The following SNRPN variants were observed in gnomAD, a reference collection of about 807,000 sequenced individuals.
The protein encoded by SNRPN is small nuclear ribonucleoprotein polypeptide N.
A neutral mutation model predicts 25.2 loss-of-function variants in SNRPN; 7 were observed. That is an observed-to-expected ratio of 0.28 (90% CI 0.16 to 0.52). The LOEUF (loss-of-function observed/expected upper bound fraction) is 0.52, where lower values mean the gene tolerates loss of function less well. SNRPN is among the 20% of genes least tolerant of loss of function. The pLI is 0.96. For synonymous variants in SNRPN, 124 were observed against 110.6 expected (o/e 1.12, Z -0.76); for missense variants, 196 against 322.5 (o/e 0.61, Z 3.00).
chr15:24,958,438 A>T, intron 1 of SNRPN, among the ~76,000 whole-genome samples: 2 of 113,088 alleles, frequency 1.8e-5, no homozygotes, highest in Admixed American at 2.0e-4. Context: ...GAGAATTGTT[A>T]CTACTTAAGG....
intron 3 of SNRPN, among the ~76,000 whole-genome samples, chr15:24,926,667 T>C (rs1037898036): frequency 1.3e-5 from 2 of 152,110 alleles, no homozygotes; most frequent in African/African-American, 4.8e-5. Flanking sequence ...TGCTATTTTA[T>C]TTTAAATTTT....
intron 2 of SNRPN, among the ~76,000 whole-genome samples, chr15:24,833,828 G>A (rs542330480): frequency 3.3e-5 from 5 of 152,222 alleles, no homozygotes; most frequent in East Asian, 3.9e-4. Context: ...AAGAACAGAC[G>A]GTAGGTGTGT....
intron 1 of SNRPN, among the ~76,000 whole-genome samples, chr15:24,868,930 A>G (rs969900929): frequency 6.6e-6 from 1 of 152,156 alleles, no homozygotes; most frequent in Non-Finnish European, 1.5e-5. Context: ...TGAGGCCAGG[A>G]GTTCCAGACT....
At chr15:24,963,294 A>G (rs1414227546) in intron 2 of SNRPN, among the ~76,000 whole-genome samples, 1 of 152,188 alleles carries the variant, frequency 6.6e-6, no homozygotes, top group Admixed American at 6.5e-5. Flanking sequence ...TTGTTTGGCT[A>G]TTAACAATGA....
chr15:24,893,807 G>A (rs1048098451), intron 2 of SNRPN, among the ~76,000 whole-genome samples: 2 of 151,920 alleles, frequency 1.3e-5, no homozygotes, highest in Non-Finnish European at 2.9e-5. Context: ...TGTGAGATGT[G>A]CCTCCCTCAG....
intron 3 of SNRPN, among the ~76,000 whole-genome samples, chr15:24,945,553 T>C (rs915517953): frequency 6.7e-6 from 1 of 149,036 alleles, no homozygotes; most frequent in Admixed American, 6.7e-5. Context: ...CCCATCTCTT[T>C]AAAAAAAAAA....
rs1346968155 is a variant in SNRPN, at chr15:24,955,406, C to T, written c.-391+344C>T. Among the ~76,000 whole-genome samples the T allele has an allele frequency of 4.0e-5, 6 of 151,876 alleles. No homozygotes were observed. In the South Asian group the frequency reaches 1.3e-3, roughly 32 times the overall value. On this transcript the variant is annotated intron_variant, in intron 1 of 9. Coordinates refer to ENST00000390687, the MANE Select transcript of SNRPN (RefSeq NM_003097.6). ...CAAGGGACATGGGTGGAGGTGGGTA[C>T]ATCAGGGTGATTGCAGTTCCGTGTG...
intron 2 of SNRPN, among the ~76,000 whole-genome samples, chr15:24,904,330 T>C (rs1454629099): frequency 6.6e-6 from 1 of 152,134 alleles, no homozygotes; most frequent in Non-Finnish European, 1.5e-5. Flanking sequence ...TATGTTTTAA[T>C]GGCACACATG....
At chr15:24,906,555 C>T (rs533031757) in intron 2 of SNRPN, among the ~76,000 whole-genome samples, 2 of 152,246 alleles carry the variant, frequency 1.3e-5, no homozygotes, top group South Asian at 2.1e-4. Flanking sequence ...TTGGTCTCTG[C>T]GTATAGAAAA....
chr15:24,947,957 A>G (rs1226020211), intron 3 of SNRPN, among the ~76,000 whole-genome samples: 1 of 151,448 alleles, frequency 6.6e-6, no homozygotes, highest in African/African-American at 2.4e-5. Flanking sequence ...TTTATTTATT[A>G]TTATTATACT....
At chr15:24,846,922 C>T (rs868777957) in intron 2 of SNRPN, among the ~76,000 whole-genome samples, 1 of 151,870 alleles carries the variant, frequency 6.6e-6, no homozygotes, top group African/African-American at 2.4e-5. Flanking sequence ...AACAAATGTG[C>T]GGGATTGAGG....
At position 24,918,398 on chromosome 15, in the gene SNRPN, ATATATAACATAATATATATGTG is replaced by A. The variant is rs1312586318; in HGVS notation, c.-504-1606_-504-1585del. 2.2e-4 allele frequency among the ~76,000 whole-genome samples: 17 copies of A among 76,430 alleles called. 1 individual carries two copies. Among genetic ancestry groups the A allele is most frequent in the Non-Finnish European group, 2.9e-4 (11 of 38,318 alleles). The allele number at this position is 76,430 out of a possible 152,430, so 50.1% of individuals were successfully genotyped here. The stretch of plus-strand genomic sequence containing the variant: ...TATATAACATAATATATATGTGTAT[ATATATAACATAATATATATGTG>A]TATATATAACATAATATATATGTGT... On this transcript the variant is annotated intron_variant, in intron 2 of 11. Transcript: ENST00000400097.
chr15:24,968,392 T>C, intron 3 of SNRPN: 2 of 189,092 alleles, frequency 1.1e-5, no homozygotes, highest in Non-Finnish European at 2.2e-5. Context: ...GTTTATAATT[T>C]CCTTTTGTGG....
At position 24,929,625 on chromosome 15, in the gene SNRPN, G is replaced by T. The variant is rs1046178132; in HGVS notation, c.-391+9501G>T. Among the ~76,000 whole-genome samples, 3 of 151,870 alleles carry T rather than the reference G, an allele frequency of 2.0e-5. No individual in the cohort carries two copies. The highest frequency in any genetic ancestry group is 7.3e-5 in the African/African-American group (3 of 41,354). ...TGGCAGAAATGGCCCAGGGCCCTGG[G>T]CTGAGACCCAGCCAACTCTCTATGG... On this transcript the variant is annotated intron_variant, in intron 3 of 11. Coordinates refer to the SNRPN transcript ENST00000400097. The surrounding 1 kb of genome is among the most constrained non-coding windows in gnomAD (Gnocchi z 5.3).
intron 1 of SNRPN, among the ~76,000 whole-genome samples, chr15:24,957,889 C>T (rs1188864170): frequency 6.6e-6 from 1 of 152,014 alleles, no homozygotes; most frequent in South Asian, 2.1e-4. Flanking sequence ...ATGGCAGATC[C>T]CTTTGGAAAG....
intron 1 of SNRPN, among the ~76,000 whole-genome samples, chr15:24,863,926 G>T (rs541826620): frequency 6.7e-6 from 1 of 149,842 alleles, no homozygotes; most frequent in Non-Finnish European, 1.5e-5. Context: ...TTTGGATTTC[G>T]TTTGCTCTAC....
At chr15:24,892,545 T>C (rs2057758476) in intron 2 of SNRPN, among the ~76,000 whole-genome samples, 1 of 152,252 alleles carries the variant, frequency 6.6e-6, no homozygotes, top group Non-Finnish European at 1.5e-5. Context: ...GAGACCAGCC[T>C]GGCCAACATG....
intron 1 of SNRPN, among the ~76,000 whole-genome samples, chr15:24,878,823 C>T (rs1447395081): frequency 6.6e-6 from 1 of 151,894 alleles, no homozygotes; most frequent in African/African-American, 2.4e-5. Flanking sequence ...AAATGAGATA[C>T]TACTTTAATC....
intron 1 of SNRPN, among the ~76,000 whole-genome samples, chr15:24,858,006 G>A (rs1435969637): frequency 6.6e-6 from 1 of 152,114 alleles, no homozygotes; most frequent in Non-Finnish European, 1.5e-5. Context: ...AGATGAGTCA[G>A]TTTATTGATC....
Sources: gnomAD v4.1 joint callset for allele counts (sites outside exome capture counted in the v4.1 genomes callset) on GRCh38, gnomAD v4.1.1 for gene constraint, Gnocchi (gnomAD v3.1) non-coding constraint, MANE v1.5 for transcripts, NCBI Gene and HGNC (gene_info 2026-07-23, HGNC 2026-07-21) for gene names.